CDK12: variants seen among roughly 807,000 people sequenced by gnomAD.
The protein encoded by CDK12 is cyclin dependent kinase 12.
CDK12 carries 17 observed loss-of-function variants against 133.8 expected under a neutral mutation model. The observed-to-expected ratio is 0.13, with a 90% CI of 0.09 to 0.19. The LOEUF (loss-of-function observed/expected upper bound fraction) is 0.19, where lower values mean the gene tolerates loss of function less well. CDK12 is among the 10% of genes least tolerant of loss of function. The pLI, the probability that CDK12 is intolerant of heterozygous loss-of-function variation, is 1.00. For missense variants in CDK12, 1,508 were observed against 1,818.7 expected, an observed-to-expected ratio of 0.83 and a Z score of 3.11; for synonymous variants, 694 against 683.6, an observed-to-expected ratio of 1.02 and a Z score of -0.24.
rs200075664 is a variant in CDK12 at position 39,470,971 on chromosome 17, G to A, written c.1139G>A (p.Arg380His). The A allele has an allele frequency of 1.7e-5, 27 of 1,613,946 alleles. No homozygotes were observed. The highest frequency in any genetic ancestry group is 8.0e-5 in the African/African-American group (6 of 74,914). The change falls in exon 2 of 14, where the codon CGT becomes CAT. Residue 380 changes from arginine (R) to histidine (H), a missense_variant. Around this residue, in one of 9 missense-constraint regions of CDK12, gnomAD observed 460 missense variants for 490.8 expected, o/e 0.94. Coordinates refer to ENST00000447079, the MANE Select transcript of CDK12 (RefSeq NM_016507.4). ...AAGAAGAGATCCAGTTCACGCAGTC[G>A]TCATTCCAGTATCTCACCTGTCAGG... is the stretch of plus-strand genomic sequence containing the variant. ...SKKKRSSSRS[R>H]HSSISPVRLP...
chr17:39,468,702 C>T (rs906729086), intron 1 of CDK12, among the ~76,000 whole-genome samples: 4 of 151,834 alleles, frequency 2.6e-5, no homozygotes, highest in Non-Finnish European at 4.4e-5. Context: ...CTCGAACTCC[C>T]GAACTCAGGT....
rs75490592 is a variant in CDK12, at chr17:39,506,207, A to G, written c.2610-3498A>G. Among the ~76,000 whole-genome samples the G allele has an allele frequency of 9.3e-3, 1,367 of 147,598 alleles. 28 individuals are homozygous for G. Among genetic ancestry groups the G allele is most frequent in the African/African-American group, 0.033 (1,288 of 38,902 alleles). Reference sequence around the variant, plus strand: ...TGCAGTGACACCATACAATATGATTATATGATTTTTTTTTTTTTTTTTTTT... The same window carrying G: ...TGCAGTGACACCATACAATATGATTGTATGATTTTTTTTTTTTTTTTTTTT... On this transcript the variant is annotated intron_variant, in intron 6 of 13. Coordinates refer to ENST00000447079, the MANE Select transcript of CDK12 (RefSeq NM_016507.4).
intron 5 of CDK12, among the ~76,000 whole-genome samples, chr17:39,496,007 G>A (rs2052081149): frequency 6.6e-6 from 1 of 151,408 alleles, no homozygotes. Flanking sequence ...CACCTCCCAG[G>A]TTCAAGCAAT....
At chr17:39,510,451 G>A (rs2146344960) in intron 7 of CDK12, among the ~76,000 whole-genome samples, 1 of 152,054 alleles carries the variant, frequency 6.6e-6, no homozygotes, top group Non-Finnish European at 1.5e-5. Flanking sequence ...AGATGTTCTA[G>A]TATTCTGCAA....
At chr17:39,491,190 A>G (rs890528117) in intron 3 of CDK12, among the ~76,000 whole-genome samples, 2 of 152,132 alleles carry the variant, frequency 1.3e-5, no homozygotes, top group African/African-American at 4.8e-5. Flanking sequence ...CTCTCTTAAT[A>G]ATAAAAATAG....
In CDK12 at chr17:39,471,569, C is replaced by T. The variant is rs775559482; in HGVS notation, c.1737C>T (p.Ser579=). 1.3e-5 allele frequency: 21 copies of T among 1,613,960 alleles called. No homozygotes were observed. Among genetic ancestry groups the T allele is most frequent in the East Asian group, 2.2e-5 (1 of 44,894 alleles). ...CAGCATTTAGTCAGGTTCCTGCTTC[C>T]AGTACTTCAACTTTGCCCCCTTCTA... is the stretch of plus-strand genomic sequence containing the variant. ...SQPAFSQVPA[S]STSTLPPSTH... is the part of the protein sequence containing the mutation. The change falls in exon 2 of 14, where the codon TCC becomes TCT. Residue 579 remains serine, a synonymous_variant. Coordinates refer to ENST00000447079, the MANE Select transcript of CDK12 (RefSeq NM_016507.4).
At position 39,484,472 on chromosome 17, in the gene CDK12, A is replaced by T. The variant is rs1009789634; in HGVS notation, c.1932-6085A>T. On this transcript the variant is annotated intron_variant, in intron 2 of 13. Transcript: ENST00000447079. ...GTACCACATGTCCGCAACCCTTTAT[A>T]ATACTGAGTGTCCTATGCTAAAGGT... is the stretch of plus-strand genomic sequence containing the variant. Among the ~76,000 whole-genome samples, 5 of 152,236 alleles carry T rather than the reference A, an allele frequency of 3.3e-5. No individual in the cohort carries two copies. The Middle Eastern group carries it at 0.014, about 414-fold the overall frequency.
At chr17:39,538,251 C>A (rs1316388708), downstream of CDK12, among the ~76,000 whole-genome samples, 1 of 152,174 alleles carries the variant, frequency 6.6e-6, no homozygotes, top group Non-Finnish European at 1.5e-5. Context: ...TTTCAAAACT[C>A]CTGCAAGTGG....
intron 6 of CDK12, among the ~76,000 whole-genome samples, chr17:39,506,949 T>C (rs1424572028): frequency 1.3e-5 from 2 of 152,018 alleles, no homozygotes; most frequent in African/African-American, 2.4e-5. Context: ...CAGGCTGGAG[T>C]GCAGTGGCAC....
rs116132793 is a variant in CDK12 at position 39,497,426 on chromosome 17, C to T, written c.2419+2732C>T. Among the ~76,000 whole-genome samples the T allele has an allele frequency of 2.4e-3, 365 of 151,760 alleles. 1 individual carries two copies. The highest frequency in any genetic ancestry group is 8.7e-3 in the African/African-American group (359 of 41,388). ...GGCATGGTGCTGGGCACTTTTAATCCTGGCTACTGGGAAGGCTGAGGCAGG... is the reference window on the plus strand; with the variant it reads ...GGCATGGTGCTGGGCACTTTTAATCTTGGCTACTGGGAAGGCTGAGGCAGG... On this transcript the variant is annotated intron_variant, in intron 5 of 13. Coordinates refer to ENST00000447079, the MANE Select transcript of CDK12 (RefSeq NM_016507.4).
intron 2 of CDK12, among the ~76,000 whole-genome samples, chr17:39,488,181 C>T (rs1598013826): frequency 6.6e-6 from 1 of 151,730 alleles, no homozygotes. Context: ...CTGCAGTGAG[C>T]CATGATTGTG....
At chr17:39,514,431 A>G (rs947898527) in intron 8 of CDK12, among the ~76,000 whole-genome samples, 2 of 152,336 alleles carry the variant, frequency 1.3e-5, no homozygotes. Context: ...CATAGGTCAG[A>G]CAGATTCATC....
chr17:39,467,104 A>G (rs913391257), intron 1 of CDK12, among the ~76,000 whole-genome samples: 1 of 151,842 alleles, frequency 6.6e-6, no homozygotes, highest in African/African-American at 2.4e-5. Flanking sequence ...TCAGCCTCCC[A>G]AGTAGCTGGG....
At chr17:39,510,244 C>T (rs1161312375) in intron 7 of CDK12, among the ~76,000 whole-genome samples, 3 of 150,790 alleles carry the variant, frequency 2.0e-5, no homozygotes, top group Non-Finnish European at 4.4e-5. Flanking sequence ...CTCAGCCTCC[C>T]GAGTAGCTGG....
At chr17:39,523,255 C>T (rs1295676366) in intron 11 of CDK12, among the ~76,000 whole-genome samples, 1 of 151,990 alleles carries the variant, frequency 6.6e-6, no homozygotes, top group East Asian at 1.9e-4. Flanking sequence ...AGGCAGATCA[C>T]CTGAGGTCAT....
At chr17:39,519,331 C>A (rs1198753738) in intron 10 of CDK12, among the ~76,000 whole-genome samples, 1 of 100,522 alleles carries the variant, frequency 9.9e-6, no homozygotes, top group African/African-American at 4.2e-5. Flanking sequence ...TTTTTGAGAC[C>A]GTCTCACTCT....
At chr17:39,537,481 A>G (rs1331259511), downstream of CDK12, among the ~76,000 whole-genome samples, 4 of 152,150 alleles carry the variant, frequency 2.6e-5, no homozygotes, top group African/African-American at 9.7e-5. Flanking sequence ...TAAGGGTAAG[A>G]AGGGAGAACT....
chr17:39,502,439 C>T (rs549819634), intron 6 of CDK12, among the ~76,000 whole-genome samples: 39 of 152,320 alleles, frequency 2.6e-4, no homozygotes, highest in African/African-American at 9.1e-4. Flanking sequence ...AGGCGTGAGC[C>T]ACCACGCCTG....
chr17:39,486,084 C>G (rs546729738), intron 2 of CDK12, among the ~76,000 whole-genome samples: 87 of 150,932 alleles, frequency 5.8e-4, no homozygotes, highest in African/African-American at 1.9e-3. Flanking sequence ...TCCCAAGTAG[C>G]TGGGATTTTG....
Sources: allele counts gnomAD v4.1 joint callset (sites outside exome capture counted in the v4.1 genomes callset), GRCh38; gene constraint gnomAD v4.1.1; regional missense constraint gnomAD v4.1.1; transcripts MANE v1.5; gene names NCBI Gene and HGNC (gene_info 2026-07-23, HGNC 2026-07-21).